The following VAT1L variants were observed in gnomAD, a reference collection of about 807,000 sequenced individuals.
The protein encoded by VAT1L is putative NADPH-dependent quinone oxidoreductase VAT1L.
VAT1L carries 34 observed loss-of-function variants against 44.1 expected under a neutral mutation model. The ratio of observed to expected loss-of-function variants is 0.77; its 90% CI spans 0.59 to 1.03. The LOEUF (loss-of-function observed/expected upper bound fraction) is 1.03, where lower values mean the gene tolerates loss of function less well. Ranked by LOEUF, VAT1L falls within the 50% of genes least tolerant of loss-of-function variation. The pLI is 0.00. For missense variants in VAT1L, 615 were observed against 538.8 expected, an observed-to-expected ratio of 1.14 and a Z score of -1.40; for synonymous variants, 253 against 202.2, an observed-to-expected ratio of 1.25 and a Z score of -2.13.
At chr16:77,898,328 G>T (rs997709576) in intron 7 of VAT1L, among the ~76,000 whole-genome samples, 8 of 152,148 alleles carry the variant, frequency 5.3e-5, no homozygotes, top group Non-Finnish European at 8.8e-5. Context: ...TTGGAAAAGA[G>T]GGGGGGGACA....
At chr16:77,842,147 A>G (rs940209475) in intron 3 of VAT1L, among the ~76,000 whole-genome samples, 2 of 152,188 alleles carry the variant, frequency 1.3e-5, no homozygotes, top group African/African-American at 4.8e-5. Context: ...TTGGCCTCCC[A>G]AAGTGCTGGG....
intron 2 of VAT1L, among the ~76,000 whole-genome samples, chr16:77,823,618 T>C (rs935383017): frequency 6.6e-6 from 1 of 152,192 alleles, no homozygotes; most frequent in African/African-American, 2.4e-5. Context: ...AAGAATAATA[T>C]CCTATTAAGC....
chr16:77,906,903 G>C (rs1050200545), intron 7 of VAT1L, among the ~76,000 whole-genome samples: 6 of 152,118 alleles, frequency 3.9e-5, no homozygotes, highest in African/African-American at 1.4e-4. Context: ...GGTATAAAGG[G>C]GCCCAGAAGA....
chr16:77,902,247 A>G (rs184318479), intron 7 of VAT1L, among the ~76,000 whole-genome samples: 9 of 152,364 alleles, frequency 5.9e-5, no homozygotes, highest in Admixed American at 1.3e-4. Context: ...CATGGATGGA[A>G]TAAGAAATGC....
intron 7 of VAT1L, among the ~76,000 whole-genome samples, chr16:77,920,063 T>G (rs1291174297): frequency 1.3e-5 from 2 of 152,044 alleles, no homozygotes; most frequent in Admixed American, 1.3e-4. Flanking sequence ...CAGCCTGGGC[T>G]ACAAAGACTC....
intron 3 of VAT1L, among the ~76,000 whole-genome samples, chr16:77,844,640 C>G (rs1392728428): frequency 1.3e-5 from 2 of 151,456 alleles, no homozygotes; most frequent in Non-Finnish European, 2.9e-5. Flanking sequence ...AACTCCTGAC[C>G]TCAGGTGATC....
intron 1 of VAT1L, among the ~76,000 whole-genome samples, chr16:77,811,416 C>T (rs2016263208): frequency 6.6e-6 from 1 of 151,918 alleles, no homozygotes; most frequent in African/African-American, 2.4e-5. Context: ...GTTAGCATAT[C>T]CAAAAAAAAA....
At chr16:77,890,870 G>C (rs547902056) in intron 7 of VAT1L, among the ~76,000 whole-genome samples, 1 of 150,196 alleles carries the variant, frequency 6.7e-6, no homozygotes, top group South Asian at 2.1e-4. Flanking sequence ...GTTGCAGTGA[G>C]CTGAGATCGT....
At chr16:77,899,715 T>C (rs1251243353) in intron 7 of VAT1L, among the ~76,000 whole-genome samples, 1 of 152,224 alleles carries the variant, frequency 6.6e-6, no homozygotes, top group African/African-American at 2.4e-5. Flanking sequence ...TCTGTTCCCA[T>C]GACCAGGAGC....
intron 1 of VAT1L, among the ~76,000 whole-genome samples, chr16:77,790,672 T>A (rs59982603): frequency 6.6e-6 from 1 of 152,182 alleles, no homozygotes; most frequent in Non-Finnish European, 1.5e-5. Context: ...CAGTTGCATA[T>A]GTATGCGTAT....
At chr16:77,867,220 A>G (rs1229281919) in intron 4 of VAT1L, among the ~76,000 whole-genome samples, 1 of 152,004 alleles carries the variant, frequency 6.6e-6, no homozygotes, top group African/African-American at 2.4e-5. Flanking sequence ...TTACAAGAGG[A>G]CTCAAGGAAA....
At chr16:77,927,584 T>A (rs568472072) in intron 7 of VAT1L, among the ~76,000 whole-genome samples, 1 of 151,614 alleles carries the variant, frequency 6.6e-6, no homozygotes, top group Non-Finnish European at 1.5e-5. Flanking sequence ...CTCAAAAAAA[T>A]TGAAAAACTT....
intron 3 of VAT1L, among the ~76,000 whole-genome samples, chr16:77,858,289 T>C (rs1429903272): frequency 1.3e-5 from 2 of 151,862 alleles, no homozygotes; most frequent in African/African-American, 2.4e-5. Context: ...ATAGCCCTGA[T>C]TGGAAGAAGA....
At chr16:77,906,668 T>C (rs927337167) in intron 7 of VAT1L, among the ~76,000 whole-genome samples, 4 of 152,092 alleles carry the variant, frequency 2.6e-5, no homozygotes, top group Non-Finnish European at 4.4e-5. Context: ...ACTGTCTTCC[T>C]GAAAAACTAA....
At chr16:77,859,135 C>CAA (rs59034189) in intron 3 of VAT1L, among the ~76,000 whole-genome samples, 51 of 126,062 alleles carry the variant, frequency 4.0e-4, no homozygotes, top group East Asian at 2.9e-3. Context: ...AACTCCATCT[C>CAA]AAAAAAAAAA....
At position 77,788,576 on chromosome 16, in the gene VAT1L, A is replaced by G; in HGVS notation, c.-107A>G. 2 of 1,294,468 alleles carry G rather than the reference A, an allele frequency of 1.5e-6. No homozygotes were observed. The highest frequency in any genetic ancestry group is 2.1e-6 in the Non-Finnish European group (2 of 939,496). The allele number at this position is 1,294,468 out of a possible 1,614,324, so 80.2% of individuals were successfully genotyped here. ...AGAGGCTGCAGCCATTGCACAGCCG[A>G]GCATCCCACATTCAACAGGAGGAAC... is the stretch of plus-strand genomic sequence containing the variant. On this transcript the variant is annotated 5_prime_UTR_variant, in exon 1 of 9. Coordinates refer to ENST00000302536, the MANE Select transcript of VAT1L (RefSeq NM_020927.3).
intron 7 of VAT1L, among the ~76,000 whole-genome samples, chr16:77,941,692 T>G (rs1282276595): frequency 6.6e-6 from 1 of 152,042 alleles, no homozygotes; most frequent in African/African-American, 2.4e-5. Flanking sequence ...TTTAAGCTAT[T>G]GTCCTGCCTC....
intron 7 of VAT1L, among the ~76,000 whole-genome samples, chr16:77,930,640 C>A (rs1227821326): frequency 6.6e-6 from 1 of 152,184 alleles, no homozygotes; most frequent in Non-Finnish European, 1.5e-5. Context: ...TATGGATCAT[C>A]ATTTGGTGGT....
chr16:77,827,537 A>C (rs552177293), intron 3 of VAT1L, among the ~76,000 whole-genome samples: 1 of 152,372 alleles, frequency 6.6e-6, no homozygotes, highest in East Asian at 1.9e-4. Flanking sequence ...AGTGTAAAAC[A>C]GGTGAAGGAA....
Sources: gnomAD v4.1 joint callset for allele counts (sites outside exome capture counted in the v4.1 genomes callset) on GRCh38, gnomAD v4.1.1 for gene constraint, MANE v1.5 for transcripts, NCBI Gene and HGNC (gene_info 2026-07-23, HGNC 2026-07-21) for gene names.